The following GBE1 variants were observed in gnomAD, a reference collection of about 807,000 sequenced individuals.
The protein encoded by GBE1 is 1,4-alpha-glucan-branching enzyme.
A neutral mutation model predicts 88.8 loss-of-function variants in GBE1; 70 were observed. The observed-to-expected ratio is 0.79, with a 90% CI of 0.65 to 0.96. The LOEUF (loss-of-function observed/expected upper bound fraction) is 0.96, where lower values mean the gene tolerates loss of function less well. Ranked by LOEUF, GBE1 falls within the 40% of genes least tolerant of loss-of-function variation. The probability of loss-of-function intolerance (pLI) is 0.00; values close to 1 mark genes in which losing one functional copy is unlikely to be tolerated. For missense variants in GBE1, 872 were observed against 871.0 expected, an observed-to-expected ratio of 1.00 and a Z score of -0.01; for synonymous variants, 284 against 300.1, an observed-to-expected ratio of 0.95 and a Z score of 0.56.
At chr3:81,518,016 C>T (rs920158759) in intron 14 of GBE1, among the ~76,000 whole-genome samples, 1 of 151,218 alleles carries the variant, frequency 6.6e-6, no homozygotes, top group African/African-American at 2.4e-5. Flanking sequence ...TCATCCATCT[C>T]GAAGTTTACA....
intron 2 of GBE1, among the ~76,000 whole-genome samples, chr3:81,701,222 A>G (rs1353243624): frequency 6.6e-6 from 1 of 152,140 alleles, no homozygotes; most frequent in Non-Finnish European, 1.5e-5. Flanking sequence ...GAATGTCAAT[A>G]TATATACACC....
chr3:81,495,315 G>C (rs892722621), intron 15 of GBE1, among the ~76,000 whole-genome samples: 1 of 152,120 alleles, frequency 6.6e-6, no homozygotes, highest in Non-Finnish European at 1.5e-5. Flanking sequence ...CTTGAACCTG[G>C]GAGGCAGAGG....
At position 81,649,016 on chromosome 3, in the gene GBE1, G is replaced by C. The variant is rs757182472; in HGVS notation, c.556-25C>G. ...ACTACAGAATATAAAATTATGTATA[G>C]AGTTAAGCCAGGAATTCTGGTATGA... On this transcript the variant is annotated intron_variant, in intron 4 of 15. Coordinates refer to ENST00000429644, the MANE Select transcript of GBE1 (RefSeq NM_000158.4). The C allele has an allele frequency of 7.3e-6, 11 of 1,500,374 alleles. No individual in the cohort carries two copies. The East Asian group carries it at 1.4e-4, about 20-fold the overall frequency. 92.9% of individuals were successfully genotyped at this position (1,500,374 alleles called of 1,614,324 possible).
intron 1 of GBE1, among the ~76,000 whole-genome samples, chr3:81,737,650 T>G (rs1706286459): frequency 6.6e-6 from 1 of 151,178 alleles, no homozygotes; most frequent in Non-Finnish European, 1.5e-5. Context: ...ACTGGTACTT[T>G]TATGTCTTCT....
intron 14 of GBE1, among the ~76,000 whole-genome samples, chr3:81,504,991 A>G (rs1446007463): frequency 6.6e-6 from 1 of 152,188 alleles, no homozygotes; most frequent in African/African-American, 2.4e-5. Flanking sequence ...GACGACTATA[A>G]CGATGGCAGA....
At chr3:81,519,724 A>C (rs1286098888) in intron 14 of GBE1, among the ~76,000 whole-genome samples, 1 of 151,376 alleles carries the variant, frequency 6.6e-6, no homozygotes, top group Non-Finnish European at 1.5e-5. Flanking sequence ...ATTGAACTTC[A>C]CATGTAAGTT....
chr3:81,670,722 G>A, intron 3 of GBE1, 116 bp downstream of exon 3: 2 of 608,030 alleles, frequency 3.3e-6, no homozygotes, highest in South Asian at 2.3e-5. Context: ...CATTTAGACT[G>A]TTTCTCCCAC....
rs35149061 is a variant in GBE1, at chr3:81,501,686, C to CTTTTTTTTTTTTTTTTTT, written c.1935-2477_1935-2460dup. 4.2e-5 allele frequency among the ~76,000 whole-genome samples: 3 copies of CTTTTTTTTTTTTTTTTTT among 71,994 alleles called. 1 individual carries two copies. Among genetic ancestry groups the CTTTTTTTTTTTTTTTTTT allele is most frequent in the African/African-American group, 1.8e-4 (3 of 16,790 alleles). The allele number at this position is 71,994 out of a possible 152,430, so 47.2% of individuals were successfully genotyped here. A position where few individuals can be genotyped will look rare whatever the true frequency, so the allele number is the denominator to read the frequency against. ...GAATTCCCTCATTTACTTAGGGGCA[C>CTTTTTTTTTTTTTTTTTT]TTTTTTTTTTTTTTTTTTTTTTTTT... On this transcript the variant is annotated intron_variant, in intron 14 of 15. Transcript: ENST00000429644.
chr3:81,715,469 G>T (rs149049927), intron 1 of GBE1, among the ~76,000 whole-genome samples: 1 of 152,186 alleles, frequency 6.6e-6, no homozygotes, highest in East Asian at 1.9e-4. Flanking sequence ...ACTGCAGGTC[G>T]GTGGTTTTTC....
At chr3:81,725,337 A>C (rs549102380) in intron 1 of GBE1, among the ~76,000 whole-genome samples, 1 of 151,940 alleles carries the variant, frequency 6.6e-6, no homozygotes, top group East Asian at 1.9e-4. Context: ...TTCTTTCCTT[A>C]TATCTTTTGG....
intron 7 of GBE1, among the ~76,000 whole-genome samples, chr3:81,634,311 T>C (rs150858918): frequency 1.5e-3 from 236 of 152,354 alleles, no homozygotes; most frequent in Admixed American, 3.1e-3. Flanking sequence ...ATGAGTTCTT[T>C]ATACATGAAA....
At chr3:81,695,788 A>G (rs1007675780) in intron 2 of GBE1, among the ~76,000 whole-genome samples, 1 of 152,202 alleles carries the variant, frequency 6.6e-6, no homozygotes, top group African/African-American at 2.4e-5. Context: ...CAATGACATC[A>G]ATATTGAAGG....
At chr3:81,665,490 T>A (rs554714344) in intron 3 of GBE1, among the ~76,000 whole-genome samples, 1 of 149,440 alleles carries the variant, frequency 6.7e-6, no homozygotes, top group East Asian at 2.0e-4. Context: ...GAGCCGAGAT[T>A]GCGCCACTGC....
intron 2 of GBE1, among the ~76,000 whole-genome samples, chr3:81,700,180 G>T (rs1439480491): frequency 6.6e-6 from 1 of 152,130 alleles, no homozygotes; most frequent in Non-Finnish European, 1.5e-5. Context: ...TGTTGGAGTT[G>T]TTTGTAAAAT....
intron 1 of GBE1, among the ~76,000 whole-genome samples, chr3:81,740,263 G>C (rs1407863742): frequency 7.2e-6 from 1 of 138,994 alleles, no homozygotes; most frequent in Non-Finnish European, 1.5e-5. Flanking sequence ...ACATATTACA[G>C]TGTATTGGTT....
At chr3:81,629,192 C>T (rs1159316409) in intron 7 of GBE1, among the ~76,000 whole-genome samples, 1 of 112,924 alleles carries the variant, frequency 8.9e-6, no homozygotes, top group Non-Finnish European at 1.7e-5. Flanking sequence ...CCCGACCCCA[C>T]CACAGTCCCC....
chr3:81,633,974 G>GAAACCT (rs1704554706), intron 7 of GBE1, among the ~76,000 whole-genome samples: 3 of 152,100 alleles, frequency 2.0e-5, no homozygotes. Flanking sequence ...TATAAAATGT[G>GAAACCT]GGCTCCTGAC....
chr3:81,642,823 C>T lies in GBE1; in HGVS notation c.950G>A (p.Gly317Glu), dbSNP rs1253319926. 4 of 1,613,098 alleles carry T rather than the reference C, an allele frequency of 2.5e-6. No homozygotes were observed. Among genetic ancestry groups the T allele is most frequent in the Admixed American group, 3.3e-5 (2 of 59,976 alleles). The change falls in exon 7 of 16, where the codon GGG (glycine) becomes GAG (glutamate). Residue 317 changes from glycine (G) to glutamate (E), a missense_variant. Transcript: ENST00000429644. ...DSCYFHSGPR[G>E]THDLWDSRLF... ...TCTGCTATCCCAAAGATCATGAGTC[C>T]CTCTAGGTCCAGAATGAAAATAACA... is the stretch of plus-strand genomic sequence containing the variant.
At chr3:81,560,246 A>C (rs958154100) in intron 12 of GBE1, among the ~76,000 whole-genome samples, 2 of 152,006 alleles carry the variant, frequency 1.3e-5, no homozygotes, top group African/African-American at 2.4e-5. Flanking sequence ...CAAAAAGGTA[A>C]ATAAAATTTC....
Sources: gnomAD v4.1 joint callset for allele counts (sites outside exome capture counted in the v4.1 genomes callset) on GRCh38, gnomAD v4.1.1 for gene constraint, MANE v1.5 for transcripts, NCBI Gene and HGNC (gene_info 2026-07-23, HGNC 2026-07-21) for gene names.